Variants in AGBL4 observed in about 807,000 individuals in gnomAD.
The protein encoded by AGBL4 is AGBL carboxypeptidase 4.
A neutral mutation model predicts 66.4 loss-of-function variants in AGBL4; 58 were observed. That is an observed-to-expected ratio of 0.87 (90% CI 0.71 to 1.09). The LOEUF (loss-of-function observed/expected upper bound fraction) is 1.09, where lower values mean the gene tolerates loss of function less well. Among genes scored for constraint, AGBL4 ranks in the 50% least tolerant of loss-of-function variants. The pLI is 0.00. For missense variants in AGBL4, 579 were observed against 631.0 expected (o/e 0.92, Z 0.88); for synonymous variants, 234 against 222.9 (o/e 1.05, Z -0.44).
intron 5 of AGBL4, among the ~76,000 whole-genome samples, chr1:48,873,405 G>A (rs1022662641): frequency 3.2e-4 from 48 of 152,138 alleles, no homozygotes; most frequent in African/African-American, 1.0e-3. Flanking sequence ...GCTGTAAAGC[G>A]TTGCTTAACT....
chr1:49,501,017 G>A (rs1648104488), intron 3 of AGBL4, among the ~76,000 whole-genome samples: 1 of 152,000 alleles, frequency 6.6e-6, no homozygotes, highest in Admixed American at 6.6e-5. Context: ...AGCATGAAAT[G>A]TATTTGTTTG....
intron 3 of AGBL4, among the ~76,000 whole-genome samples, chr1:49,382,663 G>C (rs1378667589): frequency 3.3e-5 from 5 of 152,078 alleles, no homozygotes; most frequent in Non-Finnish European, 5.9e-5. Context: ...CCTAGTCAGA[G>C]TAATTAGCCA....
intron 4 of AGBL4, among the ~76,000 whole-genome samples, chr1:49,108,082 C>T (rs1645333515): frequency 6.6e-6 from 1 of 152,150 alleles, no homozygotes; most frequent in African/African-American, 2.4e-5. Flanking sequence ...ATCCTTAGTC[C>T]AGCCAGGATT....
At chr1:49,302,592 T>A (rs1020511760) in intron 3 of AGBL4, among the ~76,000 whole-genome samples, 3 of 146,138 alleles carry the variant, frequency 2.1e-5, no homozygotes, top group Non-Finnish European at 4.5e-5. Flanking sequence ...TATTTTATTT[T>A]ATATTTTATT....
intron 3 of AGBL4, among the ~76,000 whole-genome samples, chr1:49,445,904 T>C (rs2148674979): frequency 6.6e-6 from 1 of 152,298 alleles, no homozygotes; most frequent in South Asian, 2.1e-4. Flanking sequence ...CAGGCTAAAG[T>C]GCAGTGGTGC....
At chr1:50,023,690 G>T in intron 1 of AGBL4, 73 bp downstream of exon 1, 3 of 1,491,452 alleles carry the variant, frequency 2.0e-6, no homozygotes, top group Non-Finnish European at 1.8e-6. Context: ...GACCATGCCC[G>T]AGTCCCCTGT....
intron 3 of AGBL4, among the ~76,000 whole-genome samples, chr1:49,637,825 A>G (rs1427298019): frequency 1.3e-5 from 2 of 152,142 alleles, no homozygotes; most frequent in Non-Finnish European, 2.9e-5. Context: ...AACAACCACA[A>G]TTTTAGTTTG....
chr1:48,790,182 G>T (rs931807306), intron 6 of AGBL4, among the ~76,000 whole-genome samples: 1 of 151,424 alleles, frequency 6.6e-6, no homozygotes, highest in African/African-American at 2.5e-5. Flanking sequence ...CACAGCAAGA[G>T]CACGTAACAG....
chr1:49,488,309 T>C (rs1227128294), intron 3 of AGBL4, among the ~76,000 whole-genome samples: 1 of 151,648 alleles, frequency 6.6e-6, no homozygotes, highest in Admixed American at 6.6e-5. Context: ...TTTTATCATG[T>C]ATGACTTTTG....
chr1:49,405,842 A>C (rs530796447), intron 3 of AGBL4, among the ~76,000 whole-genome samples: 1 of 152,356 alleles, frequency 6.6e-6, no homozygotes, highest in Middle Eastern at 3.4e-3. Context: ...ATGCATCAGT[A>C]CATGATGCCA....
chr1:49,641,810 A>C (rs1010408022), intron 3 of AGBL4, among the ~76,000 whole-genome samples: 1 of 151,988 alleles, frequency 6.6e-6, no homozygotes, highest in Non-Finnish European at 1.5e-5. Flanking sequence ...ATTACATGCT[A>C]TGTGCTAGTC....
chr1:49,347,494 G>A (rs1166882524), intron 3 of AGBL4, among the ~76,000 whole-genome samples: 3 of 151,788 alleles, frequency 2.0e-5, no homozygotes, highest in African/African-American at 2.4e-5. Context: ...CTCATGATCC[G>A]CCCGCCTCAG....
At chr1:49,481,774 C>T (rs1469231263) in intron 3 of AGBL4, among the ~76,000 whole-genome samples, 1 of 151,684 alleles carries the variant, frequency 6.6e-6, no homozygotes, top group African/African-American at 2.4e-5. Context: ...TCATTGATGG[C>T]TCTTACTATT....
intron 3 of AGBL4, among the ~76,000 whole-genome samples, chr1:49,433,888 T>C (rs1395674469): frequency 6.6e-6 from 1 of 152,196 alleles, no homozygotes; most frequent in African/African-American, 2.4e-5. Context: ...AATCTGAATC[T>C]GTGGGAAGCA....
At chr1:50,011,401 T>C (rs965451273) in intron 1 of AGBL4, among the ~76,000 whole-genome samples, 5 of 152,108 alleles carry the variant, frequency 3.3e-5, no homozygotes, top group African/African-American at 4.8e-5. Context: ...GGAGAGGATA[T>C]AGAGAAAAGG....
chr1:49,605,019 G>T (rs1261654078), intron 3 of AGBL4, among the ~76,000 whole-genome samples: 2 of 151,848 alleles, frequency 1.3e-5, no homozygotes, highest in Admixed American at 6.6e-5. Flanking sequence ...TATAAATATT[G>T]TTCTATTTAA....
intron 4 of AGBL4, among the ~76,000 whole-genome samples, chr1:49,217,668 A>G (rs760981864): frequency 6.6e-6 from 1 of 152,168 alleles, no homozygotes; most frequent in Non-Finnish European, 1.5e-5. Context: ...TGCCTGGAAC[A>G]TAATACACAC....
intron 2 of AGBL4, among the ~76,000 whole-genome samples, chr1:49,731,721 A>C (rs1290102629): frequency 6.6e-6 from 1 of 152,214 alleles, no homozygotes; most frequent in East Asian, 1.9e-4. Flanking sequence ...GAAGGGAAAA[A>C]AAATAGCAAC....
chr1:49,011,385 G>A (rs1424783870), intron 5 of AGBL4, among the ~76,000 whole-genome samples: 3 of 151,926 alleles, frequency 2.0e-5, no homozygotes, highest in African/African-American at 7.2e-5. Flanking sequence ...GAAACAACAG[G>A]TGCTGGAGAG....
Sources: gnomAD v4.1 joint callset for allele counts (sites outside exome capture counted in the v4.1 genomes callset) on GRCh38, gnomAD v4.1.1 for gene constraint, MANE v1.5 for transcripts, NCBI Gene and HGNC (gene_info 2026-07-23, HGNC 2026-07-21) for gene names.